Variants in FAM13C observed in about 807,000 individuals in gnomAD.
The protein encoded by FAM13C is protein FAM13C.
Under a neutral mutation model 73.2 loss-of-function variants are expected in FAM13C, and 37 were observed. The observed-to-expected ratio is 0.51, with a 90% CI of 0.39 to 0.67. The LOEUF is 0.67. Ranked by LOEUF, FAM13C falls within the 30% of genes least tolerant of loss-of-function variation. FAM13C has a pLI of 0.00. For missense variants in FAM13C, 589 were observed against 715.6 expected (o/e 0.82, Z 2.02); for synonymous variants, 246 against 260.9 (o/e 0.94, Z 0.55).
At chr10:59,270,141 G>T in intron 6 of FAM13C, 32 bp from the exon 7 acceptor site, 1 of 1,598,586 alleles carries the variant, frequency 6.3e-7, no homozygotes, top group Non-Finnish European at 8.6e-7. Context: ...TCAAGACTTA[G>T]AAGTGACAGA....
intron 4 of FAM13C, among the ~76,000 whole-genome samples, chr10:59,322,052 CATG>C (rs1391428581): frequency 6.6e-6 from 1 of 152,136 alleles, no homozygotes; most frequent in East Asian, 1.9e-4. Context: ...TTCTATTTGG[CATG>C]ATATGTCCAA....
chr10:59,357,665 A>G (rs1313641306), intron 1 of FAM13C, among the ~76,000 whole-genome samples: 1 of 152,330 alleles, frequency 6.6e-6, no homozygotes, highest in Admixed American at 6.5e-5. Flanking sequence ...TGTCACAGCA[A>G]TGTCAAATTC....
chr10:59,318,273 T>TA (rs35327885), intron 4 of FAM13C, among the ~76,000 whole-genome samples: 4 of 151,600 alleles, frequency 2.6e-5, no homozygotes, highest in East Asian at 1.9e-4. Flanking sequence ...TAATCTCCTT[T>TA]AAAAAAACAA....
At chr10:59,321,810 C>T (rs1048752974) in intron 4 of FAM13C, among the ~76,000 whole-genome samples, 4 of 152,120 alleles carry the variant, frequency 2.6e-5, no homozygotes, top group African/African-American at 7.2e-5. Context: ...ACTACTCCTT[C>T]GAGTCTCACC....
intron 6 of FAM13C, among the ~76,000 whole-genome samples, chr10:59,279,822 A>G (rs1844732016): frequency 6.6e-6 from 1 of 152,200 alleles, no homozygotes; most frequent in South Asian, 2.1e-4. Flanking sequence ...GGCTGCTATA[A>G]CAAATTACCA....
chr10:59,302,311 G>T (rs904731984), intron 5 of FAM13C, among the ~76,000 whole-genome samples: 45 of 152,276 alleles, frequency 3.0e-4, no homozygotes, highest in Middle Eastern at 3.4e-3. Context: ...AGTTTGGTGG[G>T]AAATGATTTG....
chr10:59,309,291 A>G (rs1848655600), intron 4 of FAM13C, among the ~76,000 whole-genome samples: 1 of 152,110 alleles, frequency 6.6e-6, no homozygotes, highest in Admixed American at 6.5e-5. Context: ...TACCTGAATG[A>G]CAGTAGTTTC....
At chr10:59,281,177 C>T (rs1042357950) in intron 6 of FAM13C, among the ~76,000 whole-genome samples, 1 of 152,142 alleles carries the variant, frequency 6.6e-6, no homozygotes, top group African/African-American at 2.4e-5. Flanking sequence ...CTTACACAAC[C>T]ATCCTCTCAC....
At chr10:59,328,735 G>T (rs1851515961) in intron 3 of FAM13C, among the ~76,000 whole-genome samples, 1 of 152,042 alleles carries the variant, frequency 6.6e-6, no homozygotes, top group South Asian at 2.1e-4. Flanking sequence ...TCAACTACTG[G>T]ATTAAATTTT....
intron 3 of FAM13C, among the ~76,000 whole-genome samples, chr10:59,343,775 T>C (rs1408781517): frequency 6.6e-6 from 1 of 152,172 alleles, no homozygotes; most frequent in Non-Finnish European, 1.5e-5. Flanking sequence ...TGACCAATGA[T>C]GGTTATGTAC....
chr10:59,338,967 A>T (rs1853127076), intron 3 of FAM13C, among the ~76,000 whole-genome samples: 1 of 152,208 alleles, frequency 6.6e-6, no homozygotes, highest in African/African-American at 2.4e-5. Context: ...CCAGAAGTCC[A>T]AAATCAAGGT....
chr10:59,252,858 A>T lies in FAM13C; in HGVS notation c.1473T>A (p.Asp491Glu). Residue 491 changes from aspartate to glutamate, a missense_variant, in exon 12 of 14, where the codon GAT becomes GAA. Coordinates refer to ENST00000618804, the MANE Select transcript of FAM13C (RefSeq NM_198215.4). ...ETEPVRALLP[D>E]EKKEVKPPAL... is the part of the protein sequence containing the mutation. ...CTGGTGGTTTTACTTCTTTCTTTTC[A>T]TCTGGTAAAAGGGCCCTAACAGGCT... 1 of 1,614,092 alleles carries T rather than the reference A, an allele frequency of 6.2e-7. No homozygotes were observed. Among genetic ancestry groups the T allele is most frequent in the Non-Finnish European group, 8.5e-7 (1 of 1,179,994 alleles).
At chr10:59,278,954 G>A (rs1057430265) in intron 6 of FAM13C, among the ~76,000 whole-genome samples, 8 of 152,156 alleles carry the variant, frequency 5.3e-5, no homozygotes, top group African/African-American at 1.9e-4. Flanking sequence ...AAGACTATCT[G>A]GGGTTGCCCC....
At chr10:59,314,466 A>G (rs1479013092) in intron 4 of FAM13C, among the ~76,000 whole-genome samples, 2 of 152,350 alleles carry the variant, frequency 1.3e-5, no homozygotes, top group African/African-American at 4.8e-5. Flanking sequence ...ACTAGCATCC[A>G]GGTCTGCATA....
intron 4 of FAM13C, among the ~76,000 whole-genome samples, chr10:59,308,353 C>CCCACCACCACCACTA (rs1848488665): frequency 6.6e-6 from 1 of 151,558 alleles, no homozygotes; most frequent in Non-Finnish European, 1.5e-5. Flanking sequence ...AACATCATCA[C>CCCACCACCACCACTA]CCACCACCAC....
intron 3 of FAM13C, 130 bp from the exon 4 acceptor site, chr10:59,324,236 G>C: frequency 1.5e-6 from 1 of 685,544 alleles, no homozygotes; most frequent in Non-Finnish European, 2.4e-6. Flanking sequence ...TGTAGTGTGG[G>C]AAGGGAGCCA....
intron 3 of FAM13C, among the ~76,000 whole-genome samples, chr10:59,335,906 C>T (rs994095388): frequency 6.6e-6 from 1 of 152,154 alleles, no homozygotes; most frequent in South Asian, 2.1e-4. Flanking sequence ...ACATAGTATC[C>T]TGGGACATCA....
chr10:59,298,545 C>A lies in FAM13C; in HGVS notation c.507+4256G>T, dbSNP rs551596352. ...GAGTATAATAAAGAAGAAAAGAAGG[C>A]CCATGGTGACCCAGAGCTTCAGTCT... On this transcript the variant is annotated intron_variant, in intron 5 of 13. Coordinates refer to ENST00000618804, the MANE Select transcript of FAM13C (RefSeq NM_198215.4). Among the ~76,000 whole-genome samples the A allele has an allele frequency of 6.6e-5, 10 of 152,226 alleles. No individual in the cohort carries two copies. The South Asian group carries it at 2.1e-3, about 32-fold the overall frequency.
At chr10:59,340,864 G>A (rs918277677) in intron 3 of FAM13C, among the ~76,000 whole-genome samples, 1 of 151,094 alleles carries the variant, frequency 6.6e-6, no homozygotes, top group Non-Finnish European at 1.5e-5. Context: ...GTAATATTTA[G>A]CGTTAAACTA....
Sources: gnomAD v4.1 joint callset for allele counts (sites outside exome capture counted in the v4.1 genomes callset) on GRCh38, gnomAD v4.1.1 for gene constraint, MANE v1.5 for transcripts, NCBI Gene and HGNC (gene_info 2026-07-23, HGNC 2026-07-21) for gene names.